KYNU: variants seen among roughly 807,000 people sequenced by gnomAD.
KYNU encodes the protein L-kynurenine hydrolase.
In KYNU, 54 loss-of-function variants were observed where a neutral mutation model predicts 59.2. The observed-to-expected ratio is 0.91, with a 90% CI of 0.73 to 1.14. The LOEUF is 1.14. Among genes scored for constraint, KYNU ranks in the 50% most tolerant of loss-of-function variants. The probability of loss-of-function intolerance (pLI) is 0.00; values close to 1 mark genes in which losing one functional copy is unlikely to be tolerated. For synonymous variants in KYNU, 177 were observed against 192.0 expected, an observed-to-expected ratio of 0.92 and a Z score of 0.65; for missense variants, 567 against 554.4, an observed-to-expected ratio of 1.02 and a Z score of -0.23.
rs892037524 is a variant in KYNU, at chr2:143,042,738, T to A, written c.*566T>A. On this transcript the variant is annotated 3_prime_UTR_variant, in exon 14 of 14. Transcript: ENST00000264170. ...ACATTGCTCCTGCTGATCTGTAATA[T>A]CAGAAACCAGTATTTATGTGAATAT... 30 of 150,562 alleles carry A rather than the reference T, an allele frequency of 2.0e-4. No homozygotes were observed. The highest frequency in any genetic ancestry group is 7.3e-4 in the African/African-American group (30 of 41,030). The allele number at this position is 150,562 out of a possible 1,614,324, so 9.3% of individuals were successfully genotyped here.
chr2:142,982,562 C>G (rs988502285), intron 8 of KYNU, among the ~76,000 whole-genome samples: 1 of 151,920 alleles, frequency 6.6e-6, no homozygotes, highest in Non-Finnish European at 1.5e-5. Flanking sequence ...CACTTAAAAC[C>G]TCATGACAAG....
chr2:142,917,761 A>G (rs572725368), intron 2 of KYNU, among the ~76,000 whole-genome samples: 8 of 152,368 alleles, frequency 5.3e-5, no homozygotes, highest in African/African-American at 1.9e-4. Flanking sequence ...ATGAAAAACA[A>G]TATCTATAAA....
At chr2:143,027,096 C>T (rs947586433) in intron 10 of KYNU, among the ~76,000 whole-genome samples, 5 of 152,106 alleles carry the variant, frequency 3.3e-5, no homozygotes, top group African/African-American at 1.2e-4. Flanking sequence ...GGTAGGAATT[C>T]CTGGGGACCT....
At chr2:142,897,595 A>C (rs575256595) in intron 2 of KYNU, among the ~76,000 whole-genome samples, 1 of 152,350 alleles carries the variant, frequency 6.6e-6, no homozygotes, top group Non-Finnish European at 1.5e-5. Context: ...TATGCTTTCT[A>C]TTACTACTTA....
chr2:142,902,686 A>G (rs1454190408), intron 2 of KYNU, among the ~76,000 whole-genome samples: 2 of 152,224 alleles, frequency 1.3e-5, no homozygotes, highest in African/African-American at 4.8e-5. Context: ...ACAAGTGGTG[A>G]GGAAGTTTAA....
At chr2:142,916,840 T>G (rs1467032335) in intron 2 of KYNU, among the ~76,000 whole-genome samples, 2 of 152,122 alleles carry the variant, frequency 1.3e-5, no homozygotes, top group Non-Finnish European at 2.9e-5. Context: ...AACCAAAATT[T>G]TGGGATTTAC....
intron 10 of KYNU, among the ~76,000 whole-genome samples, chr2:143,028,444 A>C (rs28507047): frequency 0.64 from 94,963 of 147,880 alleles, 31,367 homozygotes; most frequent in Middle Eastern, 0.73. Context: ...GTGTTTCACC[A>C]TGTTGGTCAG....
At chr2:143,029,778 G>C in intron 11 of KYNU, 99 bp downstream of exon 11, 1 of 741,278 alleles carries the variant, frequency 1.3e-6, no homozygotes, top group South Asian at 1.5e-5. Flanking sequence ...CCCAGGGAGA[G>C]TGCACTTCAA....
chr2:143,008,265 C>A (rs1236289689), intron 10 of KYNU, among the ~76,000 whole-genome samples: 1 of 107,372 alleles, frequency 9.3e-6, no homozygotes, highest in Non-Finnish European at 1.8e-5. Context: ...ATCCTAGTCT[C>A]TGATAAAACA....
At chr2:142,907,690 G>A (rs961703883) in intron 2 of KYNU, among the ~76,000 whole-genome samples, 10 of 151,674 alleles carry the variant, frequency 6.6e-5, no homozygotes, top group South Asian at 2.1e-4. Flanking sequence ...TTGTCCCCCC[G>A]TTGTGCTCTC....
At chr2:142,902,319 G>C (rs979703700) in intron 2 of KYNU, among the ~76,000 whole-genome samples, 2 of 152,190 alleles carry the variant, frequency 1.3e-5, no homozygotes, top group Admixed American at 1.3e-4. Flanking sequence ...ATGAAGAAAA[G>C]TCTTGCCCCG....
intron 2 of KYNU, among the ~76,000 whole-genome samples, chr2:142,901,807 T>A (rs189600954): frequency 2.2e-3 from 341 of 152,330 alleles, no homozygotes; most frequent in Middle Eastern, 6.8e-3. Context: ...GACCACTGCA[T>A]ACCTCGCTTT....
intron 12 of KYNU, among the ~76,000 whole-genome samples, chr2:143,034,667 T>C (rs943479329): frequency 2.0e-5 from 3 of 152,236 alleles, no homozygotes; most frequent in Non-Finnish European, 4.4e-5. Context: ...ATATATATTT[T>C]TGACAGTTTT....
At chr2:143,011,751 A>G in intron 10 of KYNU, among the ~76,000 whole-genome samples, 1 of 108,810 alleles carries the variant, frequency 9.2e-6, no homozygotes, top group African/African-American at 3.9e-5. Flanking sequence ...TGATGAGTTC[A>G]TGTCCTTTGT....
chr2:142,886,596 G>A lies in KYNU; in HGVS notation c.169+1060G>A, dbSNP rs576364826. On this transcript the variant is annotated intron_variant, in intron 2 of 13. Transcript: ENST00000264170. The stretch of plus-strand genomic sequence containing the variant: ...GAGACCATAGAAGAAAAATCTTCTA[G>A]GTCATTCTAGAATCGAAAATTAAAA... Among the ~76,000 whole-genome samples, 1,256 of 151,174 alleles carry A rather than the reference G, an allele frequency of 8.3e-3. 19 individuals are homozygous for A. Among genetic ancestry groups the A allele is most frequent in the African/African-American group, 0.029 (1,203 of 41,254 alleles).
At chr2:143,014,923 T>C (rs1166718919) in intron 10 of KYNU, among the ~76,000 whole-genome samples, 1 of 152,200 alleles carries the variant, frequency 6.6e-6, no homozygotes, top group Non-Finnish European at 1.5e-5. Flanking sequence ...AGACAGGGTC[T>C]GGCTCCGTCA....
chr2:142,954,057 A>G (rs889688195), intron 4 of KYNU: 2 of 152,164 alleles, frequency 1.3e-5, no homozygotes, highest in African/African-American at 4.8e-5. Context: ...TAAGGACTCA[A>G]AACATGGAAG....
At chr2:143,017,244 T>C (rs1686276982) in intron 10 of KYNU, among the ~76,000 whole-genome samples, 1 of 152,114 alleles carries the variant, frequency 6.6e-6, no homozygotes, top group African/African-American at 2.4e-5. Context: ...AAATAATTTA[T>C]TTTATTTTGG....
intron 2 of KYNU, among the ~76,000 whole-genome samples, chr2:142,912,371 CT>C (rs60854220): frequency 0.029 from 2,611 of 89,462 alleles, 4 homozygotes; most frequent in African/African-American, 0.045. Context: ...TTTTGTATTT[CT>C]TTTTTTTTTT....
Sources: gnomAD v4.1 joint callset for allele counts (sites outside exome capture counted in the v4.1 genomes callset) on GRCh38, gnomAD v4.1.1 for gene constraint, MANE v1.5 for transcripts, NCBI Gene and HGNC (gene_info 2026-07-23, HGNC 2026-07-21) for gene names.